Variants in DNAJB1 observed in about 807,000 individuals in gnomAD.
DNAJB1 encodes DnaJ heat shock protein family (Hsp40) member B1, also known as dnaJ homolog subfamily B member 1.
A neutral mutation model predicts 24.0 loss-of-function variants in DNAJB1; 14 were observed. That is an observed-to-expected ratio of 0.58 (90% CI 0.39 to 0.91). The LOEUF is 0.91. Among genes scored for constraint, DNAJB1 ranks in the 40% least tolerant of loss-of-function variants. The probability of loss-of-function intolerance (pLI) is 0.00; values close to 1 mark genes in which losing one functional copy is unlikely to be tolerated. For missense variants in DNAJB1, 517 were observed against 458.1 expected, an observed-to-expected ratio of 1.13 and a Z score of -1.17; for synonymous variants, 262 against 174.4, an observed-to-expected ratio of 1.50 and a Z score of -3.96.
intron 2 of DNAJB1, among the ~76,000 whole-genome samples, chr19:14,525,872 T>G (rs1409126309): frequency 6.6e-6 from 1 of 150,562 alleles, no homozygotes; most frequent in Non-Finnish European, 1.5e-5. Flanking sequence ...GGGAAACCTC[T>G]CTCTGGGATT....
At chr19:14,534,423 C>CTTTTTTTTTT (rs756051119), upstream of DNAJB1, among the ~76,000 whole-genome samples, 3 of 52,452 alleles carry the variant, frequency 5.7e-5, 1 homozygote, top group African/African-American at 2.8e-4. Context: ...CATGCCTGGC[C>CTTTTTTTTTT]TTTTTTTTTT....
At chr19:14,525,615 T>C (rs1321359377) in intron 2 of DNAJB1, among the ~76,000 whole-genome samples, 1 of 152,106 alleles carries the variant, frequency 6.6e-6, no homozygotes, top group Non-Finnish European at 1.5e-5. Context: ...AAGGCAAAAG[T>C]ATCAGGACAG....
rs780967565 is a variant in DNAJB1, at chr19:14,516,823, G to A, written c.435C>T (p.Asn145=). The A allele has an allele frequency of 2.5e-6, 4 of 1,613,856 alleles. No individual in the cohort carries two copies. Among genetic ancestry groups the A allele is most frequent in the Non-Finnish European group, 3.4e-6 (4 of 1,179,918 alleles). ...CTTGGGCAGAGCGGGAGCGGCCAAA[G>A]TTCACGTTGGTGAAGCCACCCATGC... ...PMGMGGFTNV[N]FGRSRSAQEP... The change falls in exon 2 of 3, where the codon AAC becomes AAT. Residue 145 remains asparagine, a synonymous_variant. Coordinates refer to ENST00000254322, the MANE Select transcript of DNAJB1 (RefSeq NM_006145.3).
At chr19:14,517,422 C>G in intron 1 of DNAJB1, 1 of 192,018 alleles carries the variant, frequency 5.2e-6, no homozygotes, top group Non-Finnish European at 1.0e-5. Flanking sequence ...GCTAATGGTG[C>G]GTAGGAAGAG....
intron 1 of DNAJB1, among the ~76,000 whole-genome samples, chr19:14,538,080 C>G (rs917199929): frequency 1.3e-5 from 2 of 152,136 alleles, no homozygotes; most frequent in Admixed American, 1.3e-4. Flanking sequence ...ATATCTAAAT[C>G]GTGTACTAAA....
At chr19:14,540,185 G>A (rs368785420) in intron 1 of DNAJB1, among the ~76,000 whole-genome samples, 7 of 151,612 alleles carry the variant, frequency 4.6e-5, no homozygotes, top group East Asian at 1.9e-4. Context: ...TCAGCCTCCC[G>A]AGTAGCTGGG....
intron 1 of DNAJB1, among the ~76,000 whole-genome samples, chr19:14,555,662 A>G (rs1229396110): frequency 1.3e-5 from 2 of 151,818 alleles, no homozygotes; most frequent in Admixed American, 1.3e-4. Context: ...GCTGGTCTCG[A>G]ACTCCTGACC....
chr19:14,559,101 C>G (rs961315566), intron 1 of DNAJB1, among the ~76,000 whole-genome samples: 3 of 152,166 alleles, frequency 2.0e-5, no homozygotes, highest in African/African-American at 7.2e-5. Flanking sequence ...ACCTCTCCTG[C>G]TCCTCCCACC....
At chr19:14,520,737 C>T (rs2072350533), upstream of DNAJB1, among the ~76,000 whole-genome samples, 1 of 152,176 alleles carries the variant, frequency 6.6e-6, no homozygotes, top group African/African-American at 2.4e-5. Flanking sequence ...CGCCTGTCAT[C>T]CCAGCATTCT....
intron 1 of DNAJB1, among the ~76,000 whole-genome samples, chr19:14,544,136 C>G (rs147758363): frequency 0.01 from 1,524 of 152,096 alleles, 10 homozygotes; most frequent in South Asian, 0.048. Flanking sequence ...GGGATGGTTT[C>G]TGGAGAGGCT....
chr19:14,533,274 G>C (rs143791144), upstream of DNAJB1, among the ~76,000 whole-genome samples: 121 of 152,104 alleles, frequency 8.0e-4, no homozygotes, highest in African/African-American at 2.9e-3. Context: ...TAAAAAATTA[G>C]CTGGGTGTGG....
chr19:14,516,231 A>G, intron 2 of DNAJB1, 61 bp from the exon 3 acceptor site: 1 of 1,582,698 alleles, frequency 6.3e-7, no homozygotes, highest in Non-Finnish European at 8.6e-7. Flanking sequence ...GCTCTTGCCC[A>G]GAGGCCGTCT....
chr19:14,543,891 C>T (rs1387499623), intron 1 of DNAJB1, among the ~76,000 whole-genome samples: 1 of 151,456 alleles, frequency 6.6e-6, no homozygotes, highest in African/African-American at 2.4e-5. Flanking sequence ...ATGCACCACC[C>T]CACACCTGGC....
intron 1 of DNAJB1, among the ~76,000 whole-genome samples, chr19:14,558,045 A>G (rs183648929): frequency 0.011 from 1,626 of 152,212 alleles, 13 homozygotes; most frequent in Middle Eastern, 0.031. Flanking sequence ...GTGAGCCACC[A>G]CGCCCGGCCT....
chr19:14,541,911 T>G (rs1366739316), intron 1 of DNAJB1, among the ~76,000 whole-genome samples: 5 of 152,026 alleles, frequency 3.3e-5, no homozygotes, highest in Non-Finnish European at 7.3e-5. Context: ...GCCTCCCGAT[T>G]GGCTGGGATT....
intron 1 of DNAJB1, among the ~76,000 whole-genome samples, chr19:14,538,243 G>T (rs369147424): frequency 1.3e-5 from 2 of 152,128 alleles, no homozygotes; most frequent in East Asian, 3.9e-4. Context: ...ACTGGGGAAA[G>T]AATCAAGTGT....
chr19:14,527,888 C>CT (rs968236182), intron 1 of DNAJB1: 3 of 151,130 alleles, frequency 2.0e-5, no homozygotes, highest in Non-Finnish European at 2.9e-5. Context: ...AAAGTCTTTT[C>CT]TTTTTTTTTC....
In DNAJB1 at chr19:14,546,782, C is replaced by T. The variant is rs530186392; in HGVS notation, c.-214+3426G>A. 3.9e-5 allele frequency among the ~76,000 whole-genome samples: 6 copies of T among 152,174 alleles called. No homozygotes were observed. In the East Asian group the frequency reaches 5.8e-4, roughly 15 times the overall value. ...TTGCTGCAACCTCCACCTCTGAGGG[C>T]GGGTTCAAGCCATTCTCCCACCTTA... On this transcript the variant is annotated intron_variant, in intron 1 of 3. Coordinates refer to the DNAJB1 transcript ENST00000676982.
upstream of DNAJB1, among the ~76,000 whole-genome samples, chr19:14,522,675 C>CACACACAG (rs1555726543): frequency 0.12 from 9,712 of 83,890 alleles, 431 homozygotes; most frequent in African/African-American, 0.18. Context: ...AACACAGACA[C>CACACACAG]ACACACAGAC....
Sources: gnomAD v4.1 joint callset for allele counts (sites outside exome capture counted in the v4.1 genomes callset) on GRCh38, gnomAD v4.1.1 for gene constraint, MANE v1.5 for transcripts, NCBI Gene and HGNC (gene_info 2026-07-23, HGNC 2026-07-21) for gene names.